Variants in DNAH11 observed in about 807,000 individuals in gnomAD.
DNAH11 encodes axonemal beta dynein heavy chain 11.
Under a neutral mutation model 526.0 loss-of-function variants are expected in DNAH11, and 442 were observed. That is an observed-to-expected ratio of 0.84 (90% CI 0.78 to 0.91). The LOEUF (loss-of-function observed/expected upper bound fraction) is 0.91. Among genes scored for constraint, DNAH11 ranks in the 40% least tolerant of loss-of-function variants. DNAH11 has a pLI of 0.00. For missense variants in DNAH11, 6,989 were observed against 5,448.7 expected, an observed-to-expected ratio of 1.28 and a Z score of -8.90; for synonymous variants, 2,461 against 1,935.9, an observed-to-expected ratio of 1.27 and a Z score of -7.12.
At chr7:21,749,473 C>T (rs546697779) in intron 52 of DNAH11, among the ~76,000 whole-genome samples, 1 of 152,248 alleles carries the variant, frequency 6.6e-6, no homozygotes, top group South Asian at 2.1e-4. Flanking sequence ...ACACGACACT[C>T]AACCTTACGA....
intron 54 of DNAH11, among the ~76,000 whole-genome samples, chr7:21,753,570 G>C (rs944620147): frequency 6.6e-6 from 1 of 152,068 alleles, no homozygotes; most frequent in Non-Finnish European, 1.5e-5. Flanking sequence ...ATGTCTTCTT[G>C]TCTAAACAAC....
chr7:21,798,438 A>C (rs559733735), intron 61 of DNAH11, among the ~76,000 whole-genome samples: 1 of 152,260 alleles, frequency 6.6e-6, no homozygotes, highest in Non-Finnish European at 1.5e-5. Flanking sequence ...ACTCTTAACT[A>C]TACAGTATAC....
Position 21,559,771 on chromosome 7 carries a change from T to A in DNAH11, c.861T>A (p.Asn287Lys), listed in dbSNP as rs748907119. The A allele has an allele frequency of 1.2e-6, 2 of 1,602,044 alleles. No individual in the cohort carries two copies. Among genetic ancestry groups the A allele is most frequent in the Non-Finnish European group, 1.7e-6 (2 of 1,173,450 alleles). Residue 287 changes from asparagine to lysine, a missense_variant, in exon 4 of 82, where the codon AAT becomes AAA. Transcript: ENST00000409508. ...ATTTCTGGATGATGAGGAGAGAAAATCTGTCATGCATTTATGATCAAGTAA... is the reference window on the plus strand; with the variant it reads ...ATTTCTGGATGATGAGGAGAGAAAAACTGTCATGCATTTATGATCAAGTAA... ...ELDFWMMRRE[N>K]LSCIYDQLQA...
chr7:21,845,351 T>G (rs1782379315), intron 66 of DNAH11, among the ~76,000 whole-genome samples: 1 of 152,216 alleles, frequency 6.6e-6, no homozygotes, highest in Admixed American at 6.5e-5. Context: ...GTTCTTACAT[T>G]TAGCTCTGTT....
Position 21,744,992 on chromosome 7 carries a change from A to C in DNAH11, c.8439A>C (p.Glu2813Asp). ...AAGTGCTGAAGACGATTCTTACAGA[A>C]ACGTTAGACAACTACAATGAACTAA... ...DWEVLKTILT[E>D]TLDNYNELNA... Residue 2813 changes from glutamate to aspartate, a missense_variant, in exon 51 of 82, where the codon GAA (glutamate) becomes GAC (aspartate). By Grantham distance (45) the Glu-to-Asp change is conservative. Coordinates refer to ENST00000409508, the MANE Select transcript of DNAH11 (RefSeq NM_001277115.2). 1.2e-6 allele frequency: 2 copies of C among 1,610,068 alleles called. No individual in the cohort carries two copies. The highest frequency in any genetic ancestry group is 1.7e-6 in the Non-Finnish European group (2 of 1,178,154).
chr7:21,638,525 G>T (rs889050369), intron 27 of DNAH11, among the ~76,000 whole-genome samples: 1 of 152,150 alleles, frequency 6.6e-6, no homozygotes, highest in Non-Finnish European at 1.5e-5. Flanking sequence ...TAGACATCCA[G>T]TGGGGGAAAA....
At chr7:21,882,253 G>T (rs148410406) in intron 75 of DNAH11, among the ~76,000 whole-genome samples, 106 of 152,268 alleles carry the variant, frequency 7.0e-4, no homozygotes, top group African/African-American at 2.5e-3. Flanking sequence ...GGAAACACCA[G>T]TTGACCAACC....
intron 14 of DNAH11, among the ~76,000 whole-genome samples, chr7:21,593,107 C>G (rs73070444): frequency 0.16 from 23,993 of 151,952 alleles, 2,516 homozygotes; most frequent in East Asian, 0.51. Context: ...AAACTAGCCT[C>G]GAAGTCCTCC....
chr7:21,758,581 C>T (rs1007638860), intron 54 of DNAH11, among the ~76,000 whole-genome samples: 1 of 151,742 alleles, frequency 6.6e-6, no homozygotes, highest in Non-Finnish European at 1.5e-5. Context: ...AAAATCACAA[C>T]GATGTACTTG....
intron 42 of DNAH11, among the ~76,000 whole-genome samples, chr7:21,717,447 A>G (rs1372363536): frequency 2.0e-5 from 3 of 152,294 alleles, no homozygotes; most frequent in South Asian, 2.1e-4. Context: ...GGCCTACACT[A>G]TGGGAATAGT....
rs770280266 is a variant in DNAH11 at position 21,864,544 on chromosome 7, A to C, written c.11383A>C (p.Arg3795=). Residue 3795 remains arginine, a synonymous_variant, in exon 70 of 82, where the codon AGA becomes CGA. Transcript: ENST00000409508. ...LSQMAFQILL[R]KKEIDPLELD... is the part of the protein sequence containing the mutation. ...TTTGTCTACTCTCAAGATTTTGTTG[A>C]GAAAGAAAGAGATAGACCCTCTTGA... 1 of 1,611,100 alleles carries C rather than the reference A, an allele frequency of 6.2e-7. No individual in the cohort carries two copies. The highest frequency in any genetic ancestry group is 1.1e-5 in the South Asian group (1 of 90,548).
intron 75 of DNAH11, among the ~76,000 whole-genome samples, chr7:21,881,452 T>C (rs1039496207): frequency 5.3e-5 from 8 of 152,218 alleles, no homozygotes; most frequent in Non-Finnish European, 1.2e-4. Context: ...ATTTCGTAGC[T>C]AAAATGTGTT....
intron 2 of DNAH11, among the ~76,000 whole-genome samples, chr7:21,551,438 G>A (rs1265140145): frequency 2.0e-5 from 3 of 152,078 alleles, no homozygotes; most frequent in African/African-American, 4.8e-5. Flanking sequence ...ATTCCTTTCC[G>A]CTGCTATTTA....
chr7:21,632,039 T>C (rs113868269), intron 25 of DNAH11, among the ~76,000 whole-genome samples: 5,723 of 152,270 alleles, frequency 0.038, 338 homozygotes, highest in African/African-American at 0.13. Flanking sequence ...CACACCTCAG[T>C]TCTTGACTTT....
chr7:21,635,731 A>T (rs796662779), intron 25 of DNAH11, 140 bp from the exon 26 acceptor site: 1 of 591,734 alleles, frequency 1.7e-6, no homozygotes. Context: ...TTTAGCAAAA[A>T]CTTATTAAAT....
chr7:21,761,623 T>A lies in DNAH11; in HGVS notation c.8941-3805T>A, dbSNP rs548488449. On this transcript the variant is annotated intron_variant, in intron 54 of 81. Transcript: ENST00000409508. ...CCTCCAGAGTTTCTGATTATTTATG[T>A]CTGGAGTTGGTCCAAGGATTTGCAT... is the stretch of plus-strand genomic sequence containing the variant. Among the ~76,000 whole-genome samples, 4 of 152,288 alleles carry A rather than the reference T, an allele frequency of 2.6e-5. No individual in the cohort carries two copies. In the East Asian group the frequency reaches 5.8e-4, roughly 22 times the overall value.
intron 42 of DNAH11, 58 bp from the exon 43 acceptor site, chr7:21,717,717 T>A: frequency 4.4e-6 from 7 of 1,601,412 alleles, no homozygotes; most frequent in Non-Finnish European, 6.0e-6. Context: ...TTTGACTTGG[T>A]GAAATTCTGC....
rs373830685 is a variant in DNAH11, at chr7:21,801,221, C to T, written c.10111C>T (p.Gln3371Ter). The change falls in exon 62 of 82, where the codon CAA (glutamine) becomes TAA (stop). Residue 3371 changes from glutamine to a stop codon, truncating the protein, a stop_gained. Transcript: ENST00000409508. LOFTEE classifies it high-confidence loss of function. ...AGTCCGGTGTCAAGAAGAGGTGAAC[C>T]AAACCAACAAAACCATCAAATTAGC... ...EKVRCQEEVN[Q>*]TNKTIKLANR... 6.2e-7 allele frequency: 1 copy of T among 1,613,624 alleles called. No individual in the cohort carries two copies. The highest frequency in any genetic ancestry group is 1.7e-5 in the Admixed American group (1 of 59,972).
intron 76 of DNAH11, among the ~76,000 whole-genome samples, chr7:21,887,243 G>T (rs1270606014): frequency 1.3e-5 from 2 of 152,184 alleles, no homozygotes; most frequent in Non-Finnish European, 2.9e-5. Flanking sequence ...TGAGTTTCTT[G>T]TTGAATAAAT....
Sources: gnomAD v4.1 joint callset for allele counts (sites outside exome capture counted in the v4.1 genomes callset) on GRCh38, gnomAD v4.1.1 for gene constraint, MANE v1.5 for transcripts, NCBI Gene and HGNC (gene_info 2026-07-23, HGNC 2026-07-21) for gene names.